Variants in GALNT5 observed in about 807,000 individuals in gnomAD.
GALNT5 encodes the protein UDP-GalNAc:polypeptide N-acetylgalactosaminyltransferase 5.
GALNT5 carries 72 observed loss-of-function variants against 85.4 expected under a neutral mutation model. The ratio of observed to expected loss-of-function variants is 0.84; its 90% confidence interval spans 0.70 to 1.03. The LOEUF is 1.03. GALNT5 is among the 50% of genes least tolerant of loss of function. The probability of loss-of-function intolerance (pLI) is 0.00; values close to 1 mark genes in which losing one functional copy is unlikely to be tolerated. For missense variants in GALNT5, 1,137 were observed against 1,135.5 expected, an observed-to-expected ratio of 1.00 and a Z score of -0.02; for synonymous variants, 404 against 397.0, an observed-to-expected ratio of 1.02 and a Z score of -0.21.
chr2:157,289,166 G>A lies in GALNT5; in HGVS notation c.1741+3032G>A, dbSNP rs534905866. ...ACGGAGCACAGAGTATGCTAGTAAC[G>A]GCCTCCAACACAGTCCAAACTATTA... On this transcript the variant is annotated intron_variant, in intron 3 of 9. Transcript: ENST00000259056. Among the ~76,000 whole-genome samples the A allele has an allele frequency of 2.6e-5, 4 of 152,162 alleles. No homozygotes were observed. The South Asian group carries it at 8.3e-4, about 32-fold the overall frequency.
chr2:157,311,195 T>C lies in GALNT5; in HGVS notation c.2683-13T>C, dbSNP rs1683561878. The stretch of plus-strand genomic sequence containing the variant: ...CAGCCTGTGGCTCATTCCCAGCTCT[T>C]CTTTCTCTCCAGGTGAATCACATTG... On this transcript the variant is annotated splice_polypyrimidine_tract_variant and intron_variant, in intron 9 of 9. Coordinates refer to ENST00000259056, the MANE Select transcript of GALNT5 (RefSeq NM_014568.3). 1.2e-6 allele frequency: 2 copies of C among 1,602,924 alleles called. No homozygotes were observed. Among genetic ancestry groups the C allele is most frequent in the Non-Finnish European group, 1.7e-6 (2 of 1,173,500 alleles).
chr2:157,274,998 A>G, intron 1 of GALNT5, among the ~76,000 whole-genome samples: 1 of 152,158 alleles, frequency 6.6e-6, no homozygotes. Flanking sequence ...ATCTTGAATT[A>G]ATTTTTGTAT....
chr2:157,261,840 G>GT (rs1682347850), intron 1 of GALNT5, among the ~76,000 whole-genome samples: 14 of 151,974 alleles, frequency 9.2e-5, no homozygotes, highest in Admixed American at 8.5e-4. Context: ...TTTTAAATTT[G>GT]GCTTTATTTA....
rs1683702601 is a variant in GALNT5, at chr2:157,316,282, G to C, written c.*4934G>C. Among the ~76,000 whole-genome samples, 1 of 151,652 alleles carries C rather than the reference G, an allele frequency of 6.6e-6. No individual in the cohort carries two copies. Among genetic ancestry groups the C allele is most frequent in the Admixed American group, 6.6e-5 (1 of 15,216 alleles). On this transcript the variant is annotated 3_prime_UTR_variant, in exon 10 of 10. Coordinates refer to ENST00000259056, the MANE Select transcript of GALNT5 (RefSeq NM_014568.3). ...TCTATACTTGCAACTTGACTTTTCA[G>C]GCTGCTTTTTGTTAGAAAATAAGTG...
At chr2:157,277,755 T>G (rs1362169547) in intron 1 of GALNT5, among the ~76,000 whole-genome samples, 1 of 152,228 alleles carries the variant, frequency 6.6e-6, no homozygotes, top group Non-Finnish European at 1.5e-5. Context: ...AGCACACTGA[T>G]GCGTCTTGAC....
chr2:157,262,819 CTTTTTTTTT>C (rs535380585), intron 1 of GALNT5, among the ~76,000 whole-genome samples: 11 of 100,944 alleles, frequency 1.1e-4, no homozygotes, highest in Non-Finnish European at 1.5e-4. Flanking sequence ...TTTCACAACT[CTTTTTTTTT>C]TTTTTTTTTT....
intron 7 of GALNT5, among the ~76,000 whole-genome samples, chr2:157,304,213 C>T (rs1305670799): frequency 2.0e-5 from 3 of 152,146 alleles, no homozygotes; most frequent in South Asian, 2.1e-4. Context: ...ACTGTGGGGG[C>T]ATTGAATCCT....
chr2:157,291,633 A>ACCCCCCCC (rs10650005), intron 3 of GALNT5, among the ~76,000 whole-genome samples: 354 of 116,734 alleles, frequency 3.0e-3, no homozygotes, highest in Non-Finnish European at 4.8e-3. Flanking sequence ...GTTACCACCC[A>ACCCCCCCC]CCCCCCCCCA....
At chr2:157,265,581 C>A (rs989167121) in intron 1 of GALNT5, among the ~76,000 whole-genome samples, 1 of 152,162 alleles carries the variant, frequency 6.6e-6, no homozygotes, top group African/African-American at 2.4e-5. Context: ...TATACTTTTT[C>A]ATATACGGAA....
intron 3 of GALNT5, among the ~76,000 whole-genome samples, chr2:157,286,673 T>G (rs1682980529): frequency 6.6e-6 from 1 of 151,972 alleles, no homozygotes; most frequent in African/African-American, 2.4e-5. Flanking sequence ...CCGGCTAATT[T>G]TTTGTATTTT....
At chr2:157,265,875 C>T (rs973944303) in intron 1 of GALNT5, among the ~76,000 whole-genome samples, 1 of 152,234 alleles carries the variant, frequency 6.6e-6, no homozygotes, top group Non-Finnish European at 1.5e-5. Flanking sequence ...AGTACCTCCT[C>T]AACTGGCGTT....
At chr2:157,280,323 T>A (rs920140823) in intron 1 of GALNT5, among the ~76,000 whole-genome samples, 1 of 152,122 alleles carries the variant, frequency 6.6e-6, no homozygotes, top group East Asian at 1.9e-4. Flanking sequence ...TGTATCCTTA[T>A]AAAAGAGAGC....
intron 1 of GALNT5, among the ~76,000 whole-genome samples, chr2:157,263,018 G>A (rs899341768): frequency 5.3e-5 from 8 of 150,940 alleles, no homozygotes; most frequent in African/African-American, 1.2e-4. Flanking sequence ...TAGTAGAGAC[G>A]GGGTTTCACC....
At chr2:157,266,581 G>T (rs910042082) in intron 1 of GALNT5, among the ~76,000 whole-genome samples, 14 of 152,122 alleles carry the variant, frequency 9.2e-5, no homozygotes, top group African/African-American at 3.4e-4. Context: ...TTATGTGTGT[G>T]TGTTTGTGTG....
At chr2:157,311,136 G>A (rs1683560469) in intron 9 of GALNT5, 72 bp from the exon 10 acceptor site, 1 of 1,189,160 alleles carries the variant, frequency 8.4e-7, no homozygotes, top group East Asian at 2.4e-5. Context: ...TTTTTTAATT[G>A]ATTTTCATTT....
In GALNT5 at chr2:157,268,531, T is replaced by C. The variant is rs142807834; in HGVS notation, c.1454+8995T>C. 7.3e-4 allele frequency among the ~76,000 whole-genome samples: 111 copies of C among 152,376 alleles called. 1 individual carries two copies. Among genetic ancestry groups the C allele is most frequent in the African/African-American group, 2.6e-3 (109 of 41,590 alleles). On this transcript the variant is annotated intron_variant, in intron 1 of 9. Transcript: ENST00000259056. Reference sequence around the variant, plus strand: ...TCAAATCTTCACCACTGTTCTGTGATGAAGGCATTGTAATCTTCATCCTAA... The same window carrying C: ...TCAAATCTTCACCACTGTTCTGTGACGAAGGCATTGTAATCTTCATCCTAA...
At chr2:157,303,240 T>C (rs1683378027) in intron 7 of GALNT5, among the ~76,000 whole-genome samples, 1 of 152,206 alleles carries the variant, frequency 6.6e-6, no homozygotes, top group Non-Finnish European at 1.5e-5. Context: ...TTTCCCTTTT[T>C]TCAACCTCCA....
intron 1 of GALNT5, among the ~76,000 whole-genome samples, chr2:157,276,457 A>G (rs1307793190): frequency 1.1e-4 from 17 of 151,910 alleles, no homozygotes; most frequent in Admixed American, 1.1e-3. Context: ...CTGGTCCTGG[A>G]CTTTTTTTGA....
Position 157,259,489 on chromosome 2 carries a change from C to A in GALNT5, c.1407C>A (p.Ser469Arg). ...AAGGAAACTTCAATGTCTACCTTAG[C>A]GATTTGATCCCAGTGGATAGAGCCA... ...WKEGNFNVYL[S>R]DLIPVDRAIE... The change falls in exon 1 of 10, where the codon AGC (serine) becomes AGA (arginine). Residue 469 changes from serine (S) to arginine (R), a missense_variant. Coordinates refer to ENST00000259056, the MANE Select transcript of GALNT5 (RefSeq NM_014568.3). 1 of 1,432,526 alleles carries A rather than the reference C, an allele frequency of 7.0e-7. No individual in the cohort carries two copies. Among genetic ancestry groups the A allele is most frequent in the Non-Finnish European group, 9.2e-7 (1 of 1,087,476 alleles). The allele number at this position is 1,432,526 out of a possible 1,614,324, so 88.7% of individuals were successfully genotyped here. A position where few individuals can be genotyped will look rare whatever the true frequency, so the allele number is the denominator to read the frequency against.
Sources: gnomAD v4.1 joint callset for allele counts (sites outside exome capture counted in the v4.1 genomes callset) on GRCh38, gnomAD v4.1.1 for gene constraint, MANE v1.5 for transcripts, NCBI Gene and HGNC (gene_info 2026-07-23, HGNC 2026-07-21) for gene names.